The following CSGALNACT1 variants were observed in gnomAD, a reference collection of about 807,000 sequenced individuals.
The protein encoded by CSGALNACT1 is chondroitin sulfate N-acetylgalactosaminyltransferase 1.
A neutral mutation model predicts 51.0 loss-of-function variants in CSGALNACT1; 52 were observed. The ratio of observed to expected loss-of-function variants is 1.02; its 90% CI spans 0.82 to 1.29. The LOEUF (loss-of-function observed/expected upper bound fraction) is 1.29. CSGALNACT1 is among the 50% of genes most tolerant of loss of function. The pLI is 0.00. For missense variants in CSGALNACT1, 935 were observed against 679.2 expected, an observed-to-expected ratio of 1.38 and a Z score of -4.19; for synonymous variants, 341 against 254.4, an observed-to-expected ratio of 1.34 and a Z score of -3.24.
chr8:19,685,148 G>A (rs970955985), upstream of CSGALNACT1, among the ~76,000 whole-genome samples: 3 of 152,172 alleles, frequency 2.0e-5, no homozygotes, highest in East Asian at 3.8e-4. Context: ...CCCAATACAT[G>A]GCAATAAAAA....
chr8:19,607,194 G>A (rs930455350), upstream of CSGALNACT1, among the ~76,000 whole-genome samples: 25 of 151,936 alleles, frequency 1.6e-4, no homozygotes, highest in African/African-American at 6.0e-4. Flanking sequence ...CTCCAGTAGG[G>A]ACCCTGCGTG....
chr8:19,722,337 T>C (rs991570225), intron 1 of CSGALNACT1, among the ~76,000 whole-genome samples: 1 of 152,204 alleles, frequency 6.6e-6, no homozygotes, highest in South Asian at 2.1e-4. Flanking sequence ...CTTTTTGCAA[T>C]GTTTTATGAT....
intron 1 of CSGALNACT1, among the ~76,000 whole-genome samples, chr8:19,648,691 G>C (rs1396935898): frequency 6.6e-6 from 1 of 152,020 alleles, no homozygotes; most frequent in African/African-American, 2.4e-5. Flanking sequence ...GTAGTCCCAG[G>C]TACTCAGAAG....
intron 5 of CSGALNACT1, among the ~76,000 whole-genome samples, chr8:19,446,160 G>C (rs2062075129): frequency 6.6e-6 from 1 of 152,148 alleles, no homozygotes. Context: ...GGGCGACAGA[G>C]CGAGACTCCA....
chr8:19,658,077 A>AAC (rs2058443821), intron 1 of CSGALNACT1, among the ~76,000 whole-genome samples: 1 of 151,364 alleles, frequency 6.6e-6, no homozygotes, highest in Non-Finnish European at 1.5e-5. Flanking sequence ...AAAAAAAAAA[A>AAC]AAAAAAAGTC....
chr8:19,655,818 CAT>C (rs774532858), intron 1 of CSGALNACT1, among the ~76,000 whole-genome samples: 10 of 152,046 alleles, frequency 6.6e-5, no homozygotes, highest in Non-Finnish European at 1.2e-4. Context: ...GGCTATGGAA[CAT>C]AGAAATATGA....
At chr8:19,457,573 A>G (rs1026882300) in intron 5 of CSGALNACT1, 2 of 833,304 alleles carry the variant, frequency 2.4e-6, no homozygotes, top group Admixed American at 4.7e-5. Flanking sequence ...AGTTCGTGCC[A>G]CTGCACTCCA....
chr8:19,534,637 T>C (rs1266904076), intron 3 of CSGALNACT1, among the ~76,000 whole-genome samples: 1 of 152,078 alleles, frequency 6.6e-6, no homozygotes, highest in Non-Finnish European at 1.5e-5. Context: ...CCAAGAACTA[T>C]TTCTTGGCAT....
chr8:19,563,342 T>C (rs1245392924), intron 3 of CSGALNACT1, among the ~76,000 whole-genome samples: 1 of 152,002 alleles, frequency 6.6e-6, no homozygotes, highest in Non-Finnish European at 1.5e-5. Context: ...AATACTTAGG[T>C]GATGGGTTGA....
chr8:19,450,661 C>A (rs2063016377), intron 5 of CSGALNACT1, among the ~76,000 whole-genome samples: 1 of 152,100 alleles, frequency 6.6e-6, no homozygotes, highest in African/African-American at 2.4e-5. Context: ...CTTTGGGAGG[C>A]TGAGGCAGGC....
At chr8:19,416,093 A>G (rs146676560) in intron 8 of CSGALNACT1, among the ~76,000 whole-genome samples, 23 of 150,698 alleles carry the variant, frequency 1.5e-4, no homozygotes, top group African/African-American at 5.3e-4. Context: ...TTAACTTATT[A>G]TTAAAGAAAT....
intron 3 of CSGALNACT1, among the ~76,000 whole-genome samples, chr8:19,540,151 C>T (rs1370281861): frequency 1.3e-5 from 2 of 152,120 alleles, no homozygotes; most frequent in African/African-American, 4.8e-5. Context: ...TTTACAATAC[C>T]CCAGTGCTTC....
At chr8:19,662,050 T>C (rs1444049756) in intron 1 of CSGALNACT1, among the ~76,000 whole-genome samples, 1 of 132,476 alleles carries the variant, frequency 7.5e-6, no homozygotes, top group Non-Finnish European at 1.6e-5. Flanking sequence ...TTTCCCACTA[T>C]TACAGTTGCC....
At chr8:19,569,609 G>C (rs574641116) in intron 3 of CSGALNACT1, among the ~76,000 whole-genome samples, 1 of 152,184 alleles carries the variant, frequency 6.6e-6, no homozygotes, top group African/African-American at 2.4e-5. Flanking sequence ...CAAGGATGTG[G>C]AGCAACTGGA....
intron 1 of CSGALNACT1, among the ~76,000 whole-genome samples, chr8:19,632,931 CT>C (rs747351529): frequency 0.58 from 80,802 of 138,144 alleles, 23,081 homozygotes; most frequent in Admixed American, 0.63. Flanking sequence ...ATTTTTTTTT[CT>C]TTTTTTTTTT....
intron 6 of CSGALNACT1, among the ~76,000 whole-genome samples, chr8:19,437,687 A>G (rs2060605090): frequency 6.6e-6 from 1 of 152,238 alleles, no homozygotes; most frequent in Admixed American, 6.5e-5. Flanking sequence ...ACTAATACAT[A>G]TACCAGGTAT....
chr8:19,479,131 T>A (rs563715711), intron 4 of CSGALNACT1, among the ~76,000 whole-genome samples: 1 of 152,286 alleles, frequency 6.6e-6, no homozygotes, highest in South Asian at 2.1e-4. Context: ...TTGAAAGAAA[T>A]AGGAGAAAAT....
At chr8:19,514,649 C>T (rs549274972) in intron 3 of CSGALNACT1, among the ~76,000 whole-genome samples, 4 of 144,710 alleles carry the variant, frequency 2.8e-5, no homozygotes, top group East Asian at 2.0e-4. Context: ...GGTGAAACCC[C>T]GTCTCTACCA....
chr8:19,408,967 C>CACAT (rs1554501271), intron 8 of CSGALNACT1, among the ~76,000 whole-genome samples: 16 of 151,948 alleles, frequency 1.1e-4, no homozygotes, highest in Admixed American at 3.3e-4. Flanking sequence ...CACACACACA[C>CACAT]ACACACACAC....
Sources: gnomAD v4.1 joint callset for allele counts (sites outside exome capture counted in the v4.1 genomes callset) on GRCh38, gnomAD v4.1.1 for gene constraint, MANE v1.5 for transcripts, NCBI Gene and HGNC (gene_info 2026-07-23, HGNC 2026-07-21) for gene names.